RAD52: variants seen among roughly 807,000 people sequenced by gnomAD.
RAD52 encodes RAD52 DNA repair protein.
In RAD52, 47 loss-of-function variants were observed where a neutral mutation model predicts 55.5. That is an observed-to-expected ratio of 0.85 (90% CI 0.67 to 1.08). The LOEUF (loss-of-function observed/expected upper bound fraction) is 1.08. RAD52 is among the 50% of genes least tolerant of loss of function. The pLI, the probability that RAD52 is intolerant of heterozygous loss-of-function variation, is 0.00. For synonymous variants in RAD52, 184 were observed against 198.9 expected, an observed-to-expected ratio of 0.92 and a Z score of 0.63; for missense variants, 468 against 522.8, an observed-to-expected ratio of 0.90 and a Z score of 1.02.
At chr12:948,601 T>A (rs944996569) in intron 1 of RAD52, among the ~76,000 whole-genome samples, 1 of 152,110 alleles carries the variant, frequency 6.6e-6, no homozygotes, top group Non-Finnish European at 1.5e-5. Flanking sequence ...GACGTTGCAG[T>A]GAGCCGAGAC....
At chr12:967,816 G>C (rs575899143) in intron 1 of RAD52, among the ~76,000 whole-genome samples, 10 of 152,082 alleles carry the variant, frequency 6.6e-5, no homozygotes, top group South Asian at 2.1e-4. Flanking sequence ...CACGTCTGTA[G>C]TCCCAGCTAT....
intron 1 of RAD52, among the ~76,000 whole-genome samples, chr12:969,288 A>G (rs940947892): frequency 5.9e-5 from 9 of 152,056 alleles, no homozygotes; most frequent in Non-Finnish European, 4.4e-5. Context: ...CAGGAACACC[A>G]GTCAAAGAAT....
chr12:916,578 G>A (rs1240834513), intron 8 of RAD52, 61 bp downstream of exon 8: 1 of 1,597,074 alleles, frequency 6.3e-7, no homozygotes, highest in East Asian at 2.3e-5. Flanking sequence ...AGGCCTGAGT[G>A]GAGGCAGCCC....
chr12:913,776 C>G (rs1332243234), intron 11 of RAD52, 118 bp downstream of exon 11: 3 of 958,822 alleles, frequency 3.1e-6, no homozygotes, highest in Non-Finnish European at 4.8e-6. Context: ...GTACCATTCC[C>G]TAATAGAAGT....
chr12:926,722 G>A (rs1053012364), intron 6 of RAD52: 7 of 1,382,642 alleles, frequency 5.1e-6, no homozygotes, highest in Admixed American at 2.2e-5. Context: ...CCAGCCTCTG[G>A]TATTCCTGTA....
chr12:914,210 T>G lies in RAD52; in HGVS notation c.968-89A>C, dbSNP rs1040596501. The G allele has an allele frequency of 6.7e-6, 9 of 1,349,244 alleles. No individual in the cohort carries two copies. The African/African-American group carries it at 1.3e-4, about 20-fold the overall frequency. The allele number at this position is 1,349,244 out of a possible 1,614,324, so 83.6% of individuals were successfully genotyped here. ...GAAAAACTGGCCCTCAGAAATTCCA[T>G]GTCTTCAGTACCTTCTGAAAGTTTT... On this transcript the variant is annotated intron_variant, in intron 10 of 11. Transcript: ENST00000358495.
intron 1 of RAD52, among the ~76,000 whole-genome samples, chr12:961,755 C>T (rs569001276): frequency 1.3e-5 from 2 of 151,996 alleles, no homozygotes; most frequent in Non-Finnish European, 2.9e-5. Context: ...CCCAGCTACT[C>T]GGGAGGTTGG....
intron 7 of RAD52, among the ~76,000 whole-genome samples, chr12:922,987 C>T (rs192459616): frequency 1.2e-3 from 186 of 151,326 alleles, no homozygotes; most frequent in Middle Eastern, 3.4e-3. Context: ...GGCTGACCAC[C>T]GGGATTACAG....
chr12:914,285 C>T lies in RAD52; in HGVS notation c.967+146G>A, dbSNP rs902432675. The T allele has an allele frequency of 1.6e-5, 21 of 1,348,190 alleles. No individual in the cohort carries two copies. The African/African-American group carries it at 2.8e-4, about 18-fold the overall frequency. 83.5% of individuals were successfully genotyped at this position (1,348,190 alleles called of 1,614,324 possible). ...AAAGTACACTTCCCTTTGGTTAGGA[C>T]CAAAGAGGAACTGGACATATGCTAT... On this transcript the variant is annotated intron_variant, in intron 10 of 11. Transcript: ENST00000358495.
intron 1 of RAD52, among the ~76,000 whole-genome samples, chr12:948,950 C>T (rs959252994): frequency 1.3e-5 from 2 of 152,192 alleles, no homozygotes; most frequent in Admixed American, 1.3e-4. Context: ...CCTCCCGCAT[C>T]GGCCTTCCAA....
At chr12:953,793 G>A (rs528913707), upstream of RAD52, among the ~76,000 whole-genome samples, 57 of 152,226 alleles carry the variant, frequency 3.7e-4, no homozygotes, top group East Asian at 8.7e-3. Context: ...ACCATATTTC[G>A]CCCATCTACC....
chr12:958,685 A>G (rs1958643319), intron 1 of RAD52, among the ~76,000 whole-genome samples: 1 of 152,184 alleles, frequency 6.6e-6, no homozygotes, highest in Non-Finnish European at 1.5e-5. Flanking sequence ...GGGCCAGGCA[A>G]TGAAGTGTCT....
At chr12:968,162 AT>A (rs1330754880) in intron 1 of RAD52, among the ~76,000 whole-genome samples, 1 of 152,144 alleles carries the variant, frequency 6.6e-6, no homozygotes, top group Non-Finnish European at 1.5e-5. Flanking sequence ...ACAAAAATTG[AT>A]AGTATTAAGT....
At chr12:945,637 T>C (rs1031856051) in intron 1 of RAD52, among the ~76,000 whole-genome samples, 3 of 150,828 alleles carry the variant, frequency 2.0e-5, no homozygotes, top group Non-Finnish European at 4.4e-5. Flanking sequence ...GGTTTCACCA[T>C]GTTGGCCAGG....
intron 1 of RAD52, chr12:976,813 G>T (rs1034565434): frequency 6.6e-6 from 1 of 152,160 alleles, no homozygotes; most frequent in Admixed American, 6.6e-5. Context: ...CAGAACAAAT[G>T]ACATCTTTTT....
At chr12:939,049 TAA>T (rs1247704781) in intron 1 of RAD52, among the ~76,000 whole-genome samples, 1 of 107,102 alleles carries the variant, frequency 9.3e-6, no homozygotes, top group Non-Finnish European at 1.9e-5. Flanking sequence ...TTCATTCAAC[TAA>T]TTGTGTGTGT....
chr12:932,874 AG>A, intron 2 of RAD52, 100 bp downstream of exon 2: 1 of 841,654 alleles, frequency 1.2e-6, no homozygotes, highest in Non-Finnish European at 2.0e-6. Context: ...TAAACGTACT[AG>A]GTACTGCTCA....
chr12:978,222 T>A (rs1286284155), intron 1 of RAD52, among the ~76,000 whole-genome samples: 5 of 151,992 alleles, frequency 3.3e-5, no homozygotes, highest in African/African-American at 1.2e-4. Flanking sequence ...TTTTCTTTTT[T>A]TTTTGTATTT....
intron 1 of RAD52, among the ~76,000 whole-genome samples, chr12:937,815 A>G (rs1592406276): frequency 6.6e-6 from 1 of 152,248 alleles, no homozygotes; most frequent in African/African-American, 2.4e-5. Context: ...TTTCTTTGGT[A>G]TCCAGACTAC....
Sources: gnomAD v4.1 joint callset for allele counts (sites outside exome capture counted in the v4.1 genomes callset) on GRCh38, gnomAD v4.1.1 for gene constraint, MANE v1.5 for transcripts, NCBI Gene and HGNC (gene_info 2026-07-23, HGNC 2026-07-21) for gene names.